The following SCN3A variants were observed in gnomAD, a reference collection of about 807,000 sequenced individuals.
SCN3A encodes sodium channel protein type 3 subunit alpha.
Under a neutral mutation model 187.6 loss-of-function variants are expected in SCN3A, and 60 were observed. The observed-to-expected ratio is 0.32, with a 90% CI of 0.26 to 0.40. The LOEUF is 0.40. SCN3A is among the 10% of genes least tolerant of loss of function. SCN3A has a pLI of 1.00. For synonymous variants in SCN3A, 788 were observed against 829.2 expected, an observed-to-expected ratio of 0.95 and a Z score of 0.85; for missense variants, 1,601 against 2,428.2, an observed-to-expected ratio of 0.66 and a Z score of 7.16.
In SCN3A at chr2:165,146,778, G is replaced by A; in HGVS notation, c.1632C>T (p.Asn544=). The change falls in exon 12 of 28, where the codon AAC becomes AAT. Residue 544 remains asparagine (N), a synonymous_variant. Coordinates refer to ENST00000283254, the MANE Select transcript of SCN3A (RefSeq NM_006922.4). ...RSSFLFSMDG[N]RLTSDKKFCS... ...AGAATTTTTTGTCACTGGTCAGTCT[G>A]TTTCCATCCATGGAGAAAAGGAAGC... 1 of 1,614,028 alleles carries A rather than the reference G, an allele frequency of 6.2e-7. No homozygotes were observed. The highest frequency in any genetic ancestry group is 8.5e-7 in the Non-Finnish European group (1 of 1,179,942).
At position 165,139,507 on chromosome 2, in the gene SCN3A, G is replaced by A. The variant is rs370351101; in HGVS notation, c.2121C>T (p.Ser707=). ...TTGTGTTGGTCAGAATGCTGGCTAT[G>A]CTCACGGCTCTTTGCCTTCCAGAGG... is the stretch of plus-strand genomic sequence containing the variant. ...EDSSGRQRAV[S]IASILTNTME... The change falls in exon 14 of 28, where the codon AGC becomes AGT. Residue 707 remains serine, a synonymous_variant. Coordinates refer to ENST00000283254, the MANE Select transcript of SCN3A (RefSeq NM_006922.4). 2.3e-5 allele frequency: 37 copies of A among 1,613,798 alleles called. No homozygotes were observed. The African/African-American group carries it at 4.5e-4, about 20-fold the overall frequency.
intron 12 of SCN3A, among the ~76,000 whole-genome samples, chr2:165,142,173 T>C (rs1559224776): frequency 6.6e-6 from 1 of 152,186 alleles, no homozygotes; most frequent in Non-Finnish European, 1.5e-5. Flanking sequence ...TACATACATA[T>C]ACATATACAT....
chr2:165,094,560 T>C, intron 25 of SCN3A, 82 bp from the exon 26 acceptor site: 3 of 925,128 alleles, frequency 3.2e-6, no homozygotes, highest in Non-Finnish European at 5.3e-6. Context: ...CCTTTAATCT[T>C]TTCTAATTTT....
At chr2:165,202,105 C>T (rs1692359721) in intron 1 of SCN3A, among the ~76,000 whole-genome samples, 1 of 151,960 alleles carries the variant, frequency 6.6e-6, no homozygotes, top group Non-Finnish European at 1.5e-5. Flanking sequence ...CAAATGAAAT[C>T]ACCACTACAT....
At chr2:165,155,430 T>C (rs184802026) in intron 10 of SCN3A, among the ~76,000 whole-genome samples, 19 of 152,064 alleles carry the variant, frequency 1.2e-4, no homozygotes, top group African/African-American at 4.6e-4. Flanking sequence ...GATGGGGTCT[T>C]ACTCTGTCAT....
At position 165,090,444 on chromosome 2, in the gene SCN3A, A is replaced by G; in HGVS notation, c.5709T>C (p.Ser1903=). The part of the protein sequence containing the change: ...TTLKRKQEEV[S]AAIIQRNFRC... ...TGAAATTACGCTGAATGATAGCGGC[A>G]GACACCTCCTCTTGTTTACGTTTCA... Residue 1903 remains serine, a synonymous_variant, in exon 28 of 28, where the codon TCT becomes TCC. Transcript: ENST00000283254. The surrounding 1 kb of genome is among the most constrained non-coding windows in gnomAD (Gnocchi z 4.0). 2 of 1,614,038 alleles carry G rather than the reference A, an allele frequency of 1.2e-6. No homozygotes were observed. Among genetic ancestry groups the G allele is most frequent in the South Asian group, 1.1e-5 (1 of 91,084 alleles).
At chr2:165,115,668 A>G in intron 18 of SCN3A, 93 bp from the exon 19 acceptor site, 2 of 1,166,078 alleles carry the variant, frequency 1.7e-6, no homozygotes, top group Non-Finnish European at 2.6e-6. Context: ...AAAAAATAGT[A>G]GTGATAGCAT....
Position 165,127,776 on chromosome 2 carries a change from T to C in SCN3A, c.3248A>G (p.Tyr1083Cys). 6.2e-7 allele frequency: 1 copy of C among 1,614,188 alleles called. No individual in the cohort carries two copies. The highest frequency in any genetic ancestry group is 8.5e-7 in the Non-Finnish European group (1 of 1,180,016). ...CATATAATCATTTTCATCGATTACG[T>C]ATTTTTCAACACTGCTTCCAGTACC... ...GVGTGSSVEK[Y>C]VIDENDYMSF... is the part of the protein sequence containing the mutation. Residue 1083 changes from tyrosine (Y) to cysteine (C), a missense_variant, in exon 18 of 28, where the codon TAC (tyrosine) becomes TGC (cysteine). Coordinates refer to ENST00000283254, the MANE Select transcript of SCN3A (RefSeq NM_006922.4).
At chr2:165,106,867 C>T (rs1224792139) in intron 21 of SCN3A, among the ~76,000 whole-genome samples, 1 of 152,138 alleles carries the variant, frequency 6.6e-6, no homozygotes, top group Non-Finnish European at 1.5e-5. Context: ...GAGGCAGGAA[C>T]ATTTAGTAAG....
At chr2:165,165,283 A>G (rs1020832091) in intron 5 of SCN3A, among the ~76,000 whole-genome samples, 2 of 149,072 alleles carry the variant, frequency 1.3e-5, no homozygotes, top group African/African-American at 4.9e-5. Flanking sequence ...CATGCTGTAT[A>G]GAGATGTGTG....
intron 10 of SCN3A, among the ~76,000 whole-genome samples, chr2:165,155,176 A>G (rs1444659792): frequency 6.6e-6 from 1 of 152,198 alleles, no homozygotes; most frequent in Non-Finnish European, 1.5e-5. Flanking sequence ...TCTAAGAGTC[A>G]TGAGCATCTC....
rs139491343 is a variant in SCN3A, at chr2:165,107,701, A to T, written c.3843+5184T>A. On this transcript the variant is annotated intron_variant, in intron 21 of 27. Coordinates refer to ENST00000283254, the MANE Select transcript of SCN3A (RefSeq NM_006922.4). ...GCCAAATAGATCTGTGCCCTATTGT[A>T]AAATATGGATCAAAGAACCCAGTGT... 3.9e-5 allele frequency among the ~76,000 whole-genome samples: 6 copies of T among 152,322 alleles called. No individual in the cohort carries two copies. In the East Asian group the frequency reaches 1.2e-3, roughly 29 times the overall value.
chr2:165,110,967 T>C (rs1686083482), intron 21 of SCN3A, among the ~76,000 whole-genome samples: 2 of 152,200 alleles, frequency 1.3e-5, no homozygotes, highest in South Asian at 4.1e-4. Context: ...GGGGAGTACA[T>C]AGAAATACTC....
chr2:165,139,158 A>G (rs1687844437), intron 14 of SCN3A, among the ~76,000 whole-genome samples: 2 of 152,186 alleles, frequency 1.3e-5, no homozygotes, highest in South Asian at 4.1e-4. Flanking sequence ...TTATGCTTCT[A>G]TATACCAAGA....
chr2:165,095,220 T>G (rs1253765641), intron 25 of SCN3A, among the ~76,000 whole-genome samples: 3 of 152,018 alleles, frequency 2.0e-5, no homozygotes, highest in Non-Finnish European at 4.4e-5. Flanking sequence ...GAAAACTGGG[T>G]GGAGGTAATT....
intron 1 of SCN3A, among the ~76,000 whole-genome samples, chr2:165,202,999 T>C (rs891964158): frequency 2.6e-5 from 4 of 152,106 alleles, no homozygotes; most frequent in African/African-American, 7.2e-5. Flanking sequence ...TAAATACAAC[T>C]ACAGACAATA....
In SCN3A at chr2:165,176,421, T is replaced by C. The variant is rs376772092; in HGVS notation, c.-27A>G. ...TTTTCATCCTGCACATTTAATTACGTGTAGCTTCTTGCATACGAATTACCT... is the reference window on the plus strand; with the variant it reads ...TTTTCATCCTGCACATTTAATTACGCGTAGCTTCTTGCATACGAATTACCT... On this transcript the variant is annotated 5_prime_UTR_variant, in exon 3 of 28. Coordinates refer to ENST00000283254, the MANE Select transcript of SCN3A (RefSeq NM_006922.4). 203 of 1,613,676 alleles carry C rather than the reference T, an allele frequency of 1.3e-4. No homozygotes were observed. The highest frequency in any genetic ancestry group is 1.6e-4 in the Non-Finnish European group (192 of 1,179,892).
At position 165,094,363 on chromosome 2, in the gene SCN3A, G is replaced by A; in HGVS notation, c.4536+11C>T. The stretch of plus-strand genomic sequence containing the variant: ...GGCTTTGGAACATTAAAGGAGACAA[G>A]TAATTCTTACTGCTGGGCGAGGTAT... On this transcript the variant is annotated intron_variant, in intron 26 of 27. Transcript: ENST00000283254. The A allele has an allele frequency of 6.3e-7, 1 of 1,589,860 alleles. No homozygotes were observed. The highest frequency in any genetic ancestry group is 8.6e-7 in the Non-Finnish European group (1 of 1,158,038).
chr2:165,088,459 A>C lies in SCN3A; in HGVS notation c.*1691T>G, dbSNP rs559787263. 4.6e-5 allele frequency: 7 copies of C among 152,620 alleles called. No individual in the cohort carries two copies. The East Asian group carries it at 1.2e-3, about 25-fold the overall frequency. The allele number at this position is 152,620 out of a possible 1,614,324, so 9.5% of individuals were successfully genotyped here. A position where few individuals can be genotyped will look rare whatever the true frequency, so the allele number is the denominator to read the frequency against. On this transcript the variant is annotated 3_prime_UTR_variant, in exon 28 of 28. Transcript: ENST00000283254. ...TACTACAAAAGTTGAATAAAAAAAA[A>C]CATCTATGAATAAAAGGTTATATTG...
Sources: gnomAD v4.1 joint callset for allele counts (sites outside exome capture counted in the v4.1 genomes callset) on GRCh38, gnomAD v4.1.1 for gene constraint, Gnocchi (gnomAD v3.1) non-coding constraint, MANE v1.5 for transcripts, NCBI Gene and HGNC (gene_info 2026-07-23, HGNC 2026-07-21) for gene names.